The following ACAA2 variants were observed in gnomAD, a reference collection of about 807,000 sequenced individuals.
ACAA2 encodes the protein acetyl-CoA acyltransferase 2, also known as 3-ketoacyl-CoA thiolase, mitochondrial.
In ACAA2, 35 loss-of-function variants were observed where a neutral mutation model predicts 44.8. The ratio of observed to expected loss-of-function variants is 0.78; its 90% CI spans 0.60 to 1.04. The LOEUF (loss-of-function observed/expected upper bound fraction) is 1.04, where lower values mean the gene tolerates loss of function less well. Among genes scored for constraint, ACAA2 ranks in the 50% least tolerant of loss-of-function variants. The pLI, the probability that ACAA2 is intolerant of heterozygous loss-of-function variation, is 0.00. For synonymous variants in ACAA2, 142 were observed against 166.5 expected (o/e 0.85, Z 1.13); for missense variants, 468 against 482.6 (o/e 0.97, Z 0.28).
Position 49,787,294 on chromosome 18 carries a change from T to C in ACAA2, c.951A>G (p.Val317=), listed in dbSNP as rs1400659190. ...AGLSLKDMDL[V]EVNEAFAPQY... is the part of the protein sequence containing the mutation. ...AAAAAAAAAAAAAAACACTTACCTC[T>C]ACCAAATCCATGTCCTTAAGACTCA... The change falls in exon 8 of 10, where the codon GTA becomes GTG. Residue 317 remains valine (V), a synonymous_variant. Coordinates refer to ENST00000285093, the MANE Select transcript of ACAA2 (RefSeq NM_006111.3). 1 of 1,226,414 alleles carries C rather than the reference T, an allele frequency of 8.2e-7. No individual in the cohort carries two copies. Among genetic ancestry groups the C allele is most frequent in the Non-Finnish European group, 1.1e-6 (1 of 912,606 alleles). 76.0% of individuals were successfully genotyped at this position (1,226,414 alleles called of 1,614,324 possible).
At chr18:49,801,530 A>C (rs1004897163) in intron 2 of ACAA2, among the ~76,000 whole-genome samples, 1 of 152,094 alleles carries the variant, frequency 6.6e-6, no homozygotes, top group African/African-American at 2.4e-5. Context: ...AATATTGAGA[A>C]TTCTTTATGA....
chr18:49,804,935 T>C (rs916806828), intron 1 of ACAA2, among the ~76,000 whole-genome samples: 6 of 152,200 alleles, frequency 3.9e-5, no homozygotes, highest in African/African-American at 7.2e-5. Flanking sequence ...TTTCATCATA[T>C]TGACATTCAT....
At chr18:49,784,661 T>C (rs905017737) in intron 9 of ACAA2, among the ~76,000 whole-genome samples, 1 of 152,066 alleles carries the variant, frequency 6.6e-6, no homozygotes, top group Non-Finnish European at 1.5e-5. Flanking sequence ...AGCAAAATAT[T>C]CCAAAAATAG....
intron 4 of ACAA2, 141 bp from the exon 5 acceptor site, chr18:49,794,568 T>G: frequency 1.5e-6 from 1 of 651,504 alleles, no homozygotes; most frequent in East Asian, 3.2e-5. Context: ...CATATTCAGT[T>G]ATGGGATATT....
chr18:49,811,006 C>T (rs943852970), intron 1 of ACAA2, among the ~76,000 whole-genome samples: 2 of 144,176 alleles, frequency 1.4e-5, no homozygotes, highest in African/African-American at 5.2e-5. Context: ...AATTGTATAC[C>T]ATGTCAATTT....
At chr18:49,790,389 TGTTTGAGTA>T (rs1185455696) in intron 7 of ACAA2, among the ~76,000 whole-genome samples, 1 of 152,212 alleles carries the variant, frequency 6.6e-6, no homozygotes. Flanking sequence ...TAAGTGGTAT[TGTTTGAGTA>T]GAACCTGTAG....
chr18:49,795,239 T>C (rs2023451688), intron 4 of ACAA2, among the ~76,000 whole-genome samples: 1 of 152,226 alleles, frequency 6.6e-6, no homozygotes, highest in Admixed American at 6.5e-5. Flanking sequence ...TTATCAGTAC[T>C]GTACCATCAT....
intron 1 of ACAA2, among the ~76,000 whole-genome samples, chr18:49,812,166 G>A (rs1418015712): frequency 1.3e-5 from 2 of 152,170 alleles, no homozygotes; most frequent in Non-Finnish European, 2.9e-5. Context: ...CCACGTTGCA[G>A]GAAACTGTAA....
intron 1 of ACAA2, chr18:49,811,457 C>G (rs1396690271): frequency 1.3e-5 from 2 of 152,154 alleles, no homozygotes; most frequent in Admixed American, 6.5e-5. Context: ...TATGATCTGT[C>G]GAGCGAAAAC....
intron 3 of ACAA2, among the ~76,000 whole-genome samples, chr18:49,796,165 T>C (rs2023462827): frequency 6.6e-6 from 1 of 152,136 alleles, no homozygotes; most frequent in South Asian, 2.1e-4. Flanking sequence ...AATATAAATC[T>C]TGAAAATCAA....
chr18:49,800,727 C>T (rs1241624721), intron 2 of ACAA2, among the ~76,000 whole-genome samples: 2 of 151,948 alleles, frequency 1.3e-5, no homozygotes. Context: ...ATCACCACTC[C>T]CTAATCTCAA....
At position 49,792,230 on chromosome 18, in the gene ACAA2, G is replaced by C; in HGVS notation, c.675C>G (p.Pro225=). The C allele has an allele frequency of 2.5e-6, 4 of 1,613,830 alleles. No homozygotes were observed. Among genetic ancestry groups the C allele is most frequent in the Non-Finnish European group, 2.5e-6 (3 of 1,179,810 alleles). Residue 225 remains proline (P), a synonymous_variant, in exon 6 of 10, where the codon CCC becomes CCG. Transcript: ENST00000285093. ...TCTGTAACTGTTCCAGGGTGGTTTG[G>C]GGCCGAGCATGCTCGTCTACCTGCA... ...QTMQVDEHAR[P]QTTLEQLQKL...
chr18:49,809,313 G>A (rs543835319), intron 1 of ACAA2, among the ~76,000 whole-genome samples: 23 of 152,270 alleles, frequency 1.5e-4, no homozygotes, highest in African/African-American at 5.1e-4. Context: ...CTGAGGTGAC[G>A]TACATCCTCA....
At position 49,794,275 on chromosome 18, in the gene ACAA2, C is replaced by T. The variant is rs752222574; in HGVS notation, c.577+5G>A. The T allele has an allele frequency of 1.3e-6, 2 of 1,593,366 alleles. No homozygotes were observed. Among genetic ancestry groups the T allele is most frequent in the African/African-American group, 1.3e-5 (1 of 74,100 alleles). On this transcript the variant is annotated splice_donor_5th_base_variant and intron_variant, in intron 5 of 9. Transcript: ENST00000285093. ...TAGATACTGATACTTTCCAGTTTCA[C>T]TCACCAGCTTTCCATCTCTGCTGTG...
At chr18:49,794,701 G>T (rs1373773298) in intron 4 of ACAA2, among the ~76,000 whole-genome samples, 1 of 152,176 alleles carries the variant, frequency 6.6e-6, no homozygotes, top group East Asian at 1.9e-4. Context: ...TGCATGGTGA[G>T]ATCACAGAAG....
Position 49,797,470 on chromosome 18 carries a change from C to T in ACAA2, c.308G>A (p.Cys103Tyr). 2 of 1,606,596 alleles carry T rather than the reference C, an allele frequency of 1.2e-6. No homozygotes were observed. The highest frequency in any genetic ancestry group is 1.7e-6 in the Non-Finnish European group (2 of 1,178,290). The change falls in exon 3 of 10, where the codon TGT becomes TAT. Residue 103 changes from cysteine to tyrosine, a missense_variant. Transcript: ENST00000285093. ...GSGFQSIVNG[C>Y]QEICVKEAEV... ...TTAAAAAAATGTTGTCCATACCTGACATCCATTCACAATGGACTGAAAACC... is the reference window on the plus strand; with the variant it reads ...TTAAAAAAATGTTGTCCATACCTGATATCCATTCACAATGGACTGAAAACC...
chr18:49,802,863 CAAG>C lies in ACAA2; in HGVS notation c.17-13_17-11del, dbSNP rs757583847. ...GCAACTACAAACACACCTATTGCAA[CAAG>C]AAGAGATTTGTAAGCCATCACAGGT... On this transcript the variant is annotated splice_polypyrimidine_tract_variant and intron_variant, in intron 1 of 9. Transcript: ENST00000285093. 23 of 1,613,684 alleles carry C rather than the reference CAAG, an allele frequency of 1.4e-5. No individual in the cohort carries two copies. The highest frequency in any genetic ancestry group is 8.9e-5 in the East Asian group (4 of 44,886).
chr18:49,790,568 A>G (rs1442971309), intron 7 of ACAA2, among the ~76,000 whole-genome samples: 1 of 152,208 alleles, frequency 6.6e-6, no homozygotes, highest in African/African-American at 2.4e-5. Context: ...GTGGGAGGTT[A>G]TATGTAGGTG....
chr18:49,785,322 C>T lies in ACAA2; in HGVS notation c.984G>A (p.Leu328=), dbSNP rs752373088. The T allele has an allele frequency of 6.2e-7, 1 of 1,614,086 alleles. No individual in the cohort carries two copies. Among genetic ancestry groups the T allele is most frequent in the Non-Finnish European group, 8.5e-7 (1 of 1,180,002 alleles). Residue 328 remains leucine, a synonymous_variant, in exon 9 of 10, where the codon TTG becomes TTA. Coordinates refer to ENST00000285093, the MANE Select transcript of ACAA2 (RefSeq NM_006111.3). ...CAAGATCCAAACTCCTCTCAACAGC[C>T]AAGTACTGGGGAGCAAAAGCTTCAT... ...EVNEAFAPQY[L]AVERSLDLDI... is the part of the protein sequence containing the mutation.
Sources: allele counts gnomAD v4.1 joint callset (sites outside exome capture counted in the v4.1 genomes callset), GRCh38; gene constraint gnomAD v4.1.1; transcripts MANE v1.5; gene names NCBI Gene and HGNC (gene_info 2026-07-23, HGNC 2026-07-21).